The following DSCC1 variants were observed in gnomAD, a reference collection of about 807,000 sequenced individuals.
DSCC1 encodes sister chromatid cohesion protein DCC1.
Under a neutral mutation model 48.2 loss-of-function variants are expected in DSCC1, and 32 were observed. The ratio of observed to expected loss-of-function variants is 0.66; its 90% CI spans 0.50 to 0.89. The LOEUF is 0.89. DSCC1 is among the 40% of genes least tolerant of loss of function. DSCC1 has a pLI of 0.00. For synonymous variants in DSCC1, 150 were observed against 171.5 expected (o/e 0.87, Z 0.98); for missense variants, 421 against 471.7 (o/e 0.89, Z 1.00).
chr8:119,852,515 G>A (rs1826955015), intron 2 of DSCC1, among the ~76,000 whole-genome samples: 1 of 152,046 alleles, frequency 6.6e-6, no homozygotes. Context: ...CACCACGCTT[G>A]GCTAATTTTT....
intron 4 of DSCC1, among the ~76,000 whole-genome samples, chr8:119,846,546 A>T (rs896272734): frequency 6.6e-6 from 1 of 152,204 alleles, no homozygotes; most frequent in Non-Finnish European, 1.5e-5. Context: ...CTACAACAAG[A>T]AAGACAAATA....
chr8:119,848,812 G>C (rs1056957775), intron 3 of DSCC1, among the ~76,000 whole-genome samples: 1 of 152,134 alleles, frequency 6.6e-6, no homozygotes, highest in African/African-American at 2.4e-5. Context: ...CACTGCAGCC[G>C]GGCATGGTGG....
In DSCC1 at chr8:119,855,746, A is replaced by C. The variant is rs1827008510; in HGVS notation, c.50T>G (p.Leu17Arg). ...EVDATLQIAKLNAAELLPAVH... is the reference protein window; with the variant it reads ...EVDATLQIAKRNAAELLPAVH... ...CGCCGGCAGCAGCTCGGCCGCATTC[A>C]GCTTGGCGATCTGCAGCGTCGCATC... Residue 17 changes from leucine (L) to arginine (R), a missense_variant, in exon 1 of 9, where the codon CTG (leucine) becomes CGG (arginine). Coordinates refer to ENST00000313655, the MANE Select transcript of DSCC1 (RefSeq NM_024094.3). 2 of 1,579,186 alleles carry C rather than the reference A, an allele frequency of 1.3e-6. No homozygotes were observed. The highest frequency in any genetic ancestry group is 3.5e-5 in the Admixed American group (2 of 57,300).
rs1012157439 is a variant in DSCC1 at position 119,838,390 on chromosome 8, A to G, written c.942T>C (p.Asp314=). The stretch of plus-strand genomic sequence containing the variant: ...ATATGATTTCTGGTCTCGAGTGTCT[A>G]TCCACCAGCGCTAAACCCTACAAGA... The part of the protein sequence containing the change: ...LDQLKGLALV[D]RHSRPEIIFL... Residue 314 remains aspartate, a synonymous_variant, in exon 8 of 9, where the codon GAT becomes GAC. Coordinates refer to ENST00000313655, the MANE Select transcript of DSCC1 (RefSeq NM_024094.3). 3 of 1,604,900 alleles carry G rather than the reference A, an allele frequency of 1.9e-6. No individual in the cohort carries two copies. The highest frequency in any genetic ancestry group is 2.5e-6 in the Non-Finnish European group (3 of 1,176,828).
chr8:119,837,693 T>C (rs551754348), intron 8 of DSCC1, among the ~76,000 whole-genome samples: 1 of 152,186 alleles, frequency 6.6e-6, no homozygotes, highest in African/African-American at 2.4e-5. Flanking sequence ...CAGGGAGATA[T>C]GGCAAGAGGG....
intron 7 of DSCC1, 68 bp from the exon 8 acceptor site, chr8:119,838,475 T>G: frequency 6.9e-7 from 1 of 1,442,302 alleles, no homozygotes; most frequent in Non-Finnish European, 9.1e-7. Context: ...ACTCATTCTT[T>G]TACCTTTAGG....
At chr8:119,850,243 C>A in intron 3 of DSCC1, 139 bp downstream of exon 3, 1 of 818,936 alleles carries the variant, frequency 1.2e-6, no homozygotes, top group Non-Finnish European at 1.8e-6. Flanking sequence ...TTGGGGTGTG[C>A]TTGAAATTTT....
intron 3 of DSCC1, among the ~76,000 whole-genome samples, chr8:119,847,423 T>G (rs1217102302): frequency 6.6e-6 from 1 of 152,192 alleles, no homozygotes; most frequent in African/African-American, 2.4e-5. Flanking sequence ...TACTGTATGA[T>G]TCCACTTATC....
At chr8:119,836,341 G>A (rs539731435) in intron 8 of DSCC1, among the ~76,000 whole-genome samples, 5 of 152,278 alleles carry the variant, frequency 3.3e-5, no homozygotes, top group African/African-American at 4.8e-5. Flanking sequence ...ATGAGTTGAC[G>A]ATTATGGAAG....
chr8:119,854,779 C>G (rs1468762376), intron 1 of DSCC1, among the ~76,000 whole-genome samples: 1 of 152,226 alleles, frequency 6.6e-6, no homozygotes, highest in Non-Finnish European at 1.5e-5. Context: ...GAAGTTCTTT[C>G]AGTTCCCTTA....
chr8:119,835,464 G>A (rs780865843), intron 8 of DSCC1, among the ~76,000 whole-genome samples: 18 of 151,514 alleles, frequency 1.2e-4, no homozygotes, highest in Non-Finnish European at 2.2e-4. Flanking sequence ...CGGAGATCGC[G>A]CCACTGCACT....
chr8:119,854,046 C>A (rs367571936), intron 1 of DSCC1, among the ~76,000 whole-genome samples: 1 of 152,062 alleles, frequency 6.6e-6, no homozygotes, highest in Non-Finnish European at 1.5e-5. Context: ...CCCATCACTA[C>A]AAAAGAAAAA....
At chr8:119,848,437 A>T (rs1173581140) in intron 3 of DSCC1, among the ~76,000 whole-genome samples, 1 of 152,252 alleles carries the variant, frequency 6.6e-6, no homozygotes, top group Non-Finnish European at 1.5e-5. Context: ...AAAGATAAAT[A>T]ATTAAAAATC....
rs1459498256 is a variant in DSCC1 at position 119,834,828 on chromosome 8, T to C, written c.*65A>G. Reference sequence around the variant, plus strand: ...AAAAGTCAGAAATAAAAGTACAAGTTATTTTTCTTCTATCCAGCAACTTTA... The same window carrying C: ...AAAAGTCAGAAATAAAAGTACAAGTCATTTTTCTTCTATCCAGCAACTTTA... On this transcript the variant is annotated 3_prime_UTR_variant, in exon 9 of 9. Coordinates refer to ENST00000313655, the MANE Select transcript of DSCC1 (RefSeq NM_024094.3). 10 of 1,089,860 alleles carry C rather than the reference T, an allele frequency of 9.2e-6. No individual in the cohort carries two copies. In the African/African-American group the frequency reaches 1.6e-4, roughly 17 times the overall value. 67.5% of individuals were successfully genotyped at this position (1,089,860 alleles called of 1,614,324 possible). A position where few individuals can be genotyped will look rare whatever the true frequency, so the allele number is the denominator to read the frequency against.
intron 5 of DSCC1, among the ~76,000 whole-genome samples, chr8:119,843,102 ATTGT>A (rs1181326445): frequency 6.7e-6 from 1 of 150,340 alleles, no homozygotes; most frequent in Non-Finnish European, 1.5e-5. Context: ...TCCTTTATTT[ATTGT>A]TTGTTTTATT....
At chr8:119,855,585 G>T in intron 1 of DSCC1, 29 bp downstream of exon 1, 1 of 1,528,898 alleles carries the variant, frequency 6.5e-7, no homozygotes, top group South Asian at 1.2e-5. Flanking sequence ...CCGGCCAGAG[G>T]CTGGGGGCGC....
At chr8:119,840,381 A>C (rs78568825) in intron 7 of DSCC1, 1 of 152,258 alleles carries the variant, frequency 6.6e-6, no homozygotes, top group African/African-American at 2.4e-5. Context: ...TGACTCAAAG[A>C]TGAGCAGGAG....
At position 119,834,340 on chromosome 8, in the gene DSCC1, T is replaced by C. The variant is rs546193218; in HGVS notation, c.*553A>G. On this transcript the variant is annotated 3_prime_UTR_variant, in exon 9 of 9. Coordinates refer to ENST00000313655, the MANE Select transcript of DSCC1 (RefSeq NM_024094.3). ...TTATAGGATTATAAACTCGTTTTTT[T>C]CCCAAAGCGCATGTCTACGCCAGGC... is the stretch of plus-strand genomic sequence containing the variant. 18 of 152,586 alleles carry C rather than the reference T, an allele frequency of 1.2e-4. No homozygotes were observed. Among genetic ancestry groups the C allele is most frequent in the African/African-American group, 4.3e-4 (18 of 41,576 alleles). The allele number at this position is 152,586 out of a possible 1,614,324, so 9.5% of individuals were successfully genotyped here. A position where few individuals can be genotyped will look rare whatever the true frequency, so the allele number is the denominator to read the frequency against.
intron 4 of DSCC1, among the ~76,000 whole-genome samples, chr8:119,846,184 G>A (rs767669301): frequency 1.1e-3 from 159 of 139,332 alleles, no homozygotes; most frequent in Non-Finnish European, 1.7e-3. Context: ...CGCGATCTCC[G>A]CTCACTGCAA....
Sources: gnomAD v4.1 joint callset for allele counts (sites outside exome capture counted in the v4.1 genomes callset) on GRCh38, gnomAD v4.1.1 for gene constraint, MANE v1.5 for transcripts, NCBI Gene and HGNC (gene_info 2026-07-23, HGNC 2026-07-21) for gene names.